Variants in AGBL4 observed in about 807,000 individuals in gnomAD.
The protein encoded by AGBL4 is cytosolic carboxypeptidase 6.
In AGBL4, 58 loss-of-function variants were observed where a neutral mutation model predicts 66.4. That is an observed-to-expected ratio of 0.87 (90% CI 0.71 to 1.09). The LOEUF (loss-of-function observed/expected upper bound fraction) is 1.09. AGBL4 is among the 50% of genes least tolerant of loss of function. AGBL4 has a pLI of 0.00. For missense variants in AGBL4, 579 were observed against 631.0 expected (o/e 0.92, Z 0.88); for synonymous variants, 234 against 222.9 (o/e 1.05, Z -0.44).
At chr1:49,194,702 C>T (rs1647192268) in intron 4 of AGBL4, among the ~76,000 whole-genome samples, 1 of 152,092 alleles carries the variant, frequency 6.6e-6, no homozygotes, top group Non-Finnish European at 1.5e-5. Flanking sequence ...AAGTAAGAGA[C>T]AGACTTGTAT....
chr1:49,930,405 C>T (rs932049606), intron 1 of AGBL4, among the ~76,000 whole-genome samples: 1 of 152,088 alleles, frequency 6.6e-6, no homozygotes, highest in Non-Finnish European at 1.5e-5. Flanking sequence ...ACCAACTCTA[C>T]ACAAACTCTT....
intron 5 of AGBL4, among the ~76,000 whole-genome samples, chr1:49,018,548 T>A (rs1038912450): frequency 3.3e-5 from 5 of 152,178 alleles, no homozygotes; most frequent in Admixed American, 3.3e-4. Flanking sequence ...TGGAAGTTCT[T>A]CCTGACATGA....
chr1:48,724,633 A>C (rs893471063), intron 6 of AGBL4, among the ~76,000 whole-genome samples: 1 of 152,176 alleles, frequency 6.6e-6, no homozygotes, highest in Non-Finnish European at 1.5e-5. Context: ...AAAAGACTAC[A>C]TGAGATACAT....
At chr1:49,304,773 A>G (rs1644820051) in intron 3 of AGBL4, among the ~76,000 whole-genome samples, 1 of 152,230 alleles carries the variant, frequency 6.6e-6, no homozygotes, top group African/African-American at 2.4e-5. Context: ...CTTTTCAACA[A>G]TGGACTTCAC....
At chr1:48,783,971 G>A (rs1320727000) in intron 6 of AGBL4, among the ~76,000 whole-genome samples, 1 of 152,026 alleles carries the variant, frequency 6.6e-6, no homozygotes, top group African/African-American at 2.4e-5. Flanking sequence ...TCTGAGTTAT[G>A]ATTTCTTCAT....
At chr1:49,101,640 G>A (rs1470210480) in intron 4 of AGBL4, among the ~76,000 whole-genome samples, 1 of 152,172 alleles carries the variant, frequency 6.6e-6, no homozygotes, top group Non-Finnish European at 1.5e-5. Flanking sequence ...GTGAAATTTA[G>A]TAGGGGTGTG....
intron 3 of AGBL4, among the ~76,000 whole-genome samples, chr1:49,554,599 CAGAG>C (rs1370352653): frequency 6.6e-6 from 1 of 152,140 alleles, no homozygotes; most frequent in East Asian, 1.9e-4. Flanking sequence ...TGAGAGGAGG[CAGAG>C]AAAGAGCAAA....
intron 9 of AGBL4, among the ~76,000 whole-genome samples, chr1:48,606,842 C>G (rs1163831927): frequency 6.6e-6 from 1 of 152,154 alleles, no homozygotes; most frequent in Non-Finnish European, 1.5e-5. Flanking sequence ...CAAGAGGAAA[C>G]TATGCATACA....
intron 9 of AGBL4, among the ~76,000 whole-genome samples, chr1:48,591,631 T>C (rs1269140468): frequency 2.0e-5 from 3 of 152,362 alleles, no homozygotes; most frequent in East Asian, 1.9e-4. Flanking sequence ...TCTTACTGTA[T>C]ATATAATGCA....
intron 4 of AGBL4, among the ~76,000 whole-genome samples, chr1:49,137,609 C>T (rs1264554619): frequency 1.3e-5 from 2 of 152,076 alleles, no homozygotes; most frequent in Non-Finnish European, 2.9e-5. Context: ...GTTCTTTATT[C>T]TTAGGCCAGT....
intron 5 of AGBL4, among the ~76,000 whole-genome samples, chr1:48,935,958 G>GA (rs71056686): frequency 0.011 from 282 of 24,574 alleles, 73 homozygotes; most frequent in Non-Finnish European, 0.015. Context: ...GACTCTGTCT[G>GA]AAAAAAAAAA....
chr1:48,636,486 G>A (rs1037078299), intron 8 of AGBL4, among the ~76,000 whole-genome samples: 2 of 152,170 alleles, frequency 1.3e-5, no homozygotes, highest in African/African-American at 2.4e-5. Context: ...TAAGGTCACT[G>A]AGCTACTATG....
chr1:49,860,553 G>A (rs1646543784), intron 1 of AGBL4, among the ~76,000 whole-genome samples: 1 of 152,082 alleles, frequency 6.6e-6, no homozygotes, highest in African/African-American at 2.4e-5. Context: ...TTAAAAGTTA[G>A]CTGGCAGTGG....
intron 3 of AGBL4, chr1:49,691,228 T>A (rs573076147): frequency 6.6e-6 from 1 of 152,290 alleles, no homozygotes; most frequent in African/African-American, 2.4e-5. Flanking sequence ...AAGGCAACTT[T>A]ACTTCATACT....
At chr1:49,639,783 A>AC (rs1447332875) in intron 3 of AGBL4, among the ~76,000 whole-genome samples, 1 of 152,194 alleles carries the variant, frequency 6.6e-6, no homozygotes, top group African/African-American at 2.4e-5. Context: ...ACTGCTTAGT[A>AC]ATATGAGCAA....
intron 4 of AGBL4, among the ~76,000 whole-genome samples, chr1:49,204,548 G>A (rs1647980270): frequency 6.6e-6 from 1 of 152,096 alleles, no homozygotes; most frequent in African/African-American, 2.4e-5. Flanking sequence ...CCAAAGTGCT[G>A]GGATTACAGG....
At chr1:48,667,938 C>T (rs184810114) in intron 6 of AGBL4, among the ~76,000 whole-genome samples, 70 of 152,194 alleles carry the variant, frequency 4.6e-4, no homozygotes, top group Non-Finnish European at 1.0e-3. Context: ...GATTGAGATG[C>T]TAATGCGAAG....
chr1:49,895,633 C>T (rs571230756), intron 1 of AGBL4, among the ~76,000 whole-genome samples: 30 of 151,960 alleles, frequency 2.0e-4, no homozygotes, highest in Non-Finnish European at 3.4e-4. Flanking sequence ...TTTATGCAAG[C>T]ACTATTAAGT....
intron 4 of AGBL4, among the ~76,000 whole-genome samples, chr1:49,151,522 T>C (rs1165593545): frequency 6.6e-6 from 1 of 151,440 alleles, no homozygotes; most frequent in African/African-American, 2.4e-5. Flanking sequence ...AAAACTGTCA[T>C]TGCGTGCTTC....
Sources: allele counts gnomAD v4.1 joint callset (sites outside exome capture counted in the v4.1 genomes callset), GRCh38; gene constraint gnomAD v4.1.1; transcripts MANE v1.5; gene names NCBI Gene and HGNC (gene_info 2026-07-23, HGNC 2026-07-21).